Variants in SLCO1B3 observed in about 807,000 individuals in gnomAD.
The protein encoded by SLCO1B3 is liver-specific organic anion transporter 2.
A neutral mutation model predicts 71.8 loss-of-function variants in SLCO1B3; 72 were observed. The ratio of observed to expected loss-of-function variants is 1.00; its 90% confidence interval spans 0.83 to 1.22. The LOEUF is 1.22. SLCO1B3 is among the 50% of genes most tolerant of loss of function. The pLI is 0.00. For missense variants in SLCO1B3, 911 were observed against 819.7 expected (o/e 1.11, Z -1.36); for synonymous variants, 298 against 278.4 (o/e 1.07, Z -0.70).
intron 13 of SLCO1B3, among the ~76,000 whole-genome samples, chr12:20,884,827 C>A (rs375949753): frequency 2.6e-5 from 4 of 150,966 alleles, no homozygotes; most frequent in African/African-American, 9.7e-5. Flanking sequence ...TGAATATAAA[C>A]CTGTAAACTA....
intron 8 of SLCO1B3, among the ~76,000 whole-genome samples, chr12:20,864,536 A>G (rs1205264332): frequency 1.3e-5 from 2 of 152,212 alleles, no homozygotes; most frequent in South Asian, 2.1e-4. Flanking sequence ...TATGTTTTAT[A>G]TCTTCCATGT....
At chr12:20,848,618 G>A (rs1284616211) in intron 3 of SLCO1B3, among the ~76,000 whole-genome samples, 1 of 152,086 alleles carries the variant, frequency 6.6e-6, no homozygotes. Context: ...TAAAGAAACT[G>A]TGATACAGTC....
chr12:20,823,638 T>C lies in SLCO1B3; in HGVS notation c.84+7816T>C, dbSNP rs145829965. Among the ~76,000 whole-genome samples the C allele has an allele frequency of 4.6e-5, 7 of 152,318 alleles. No individual in the cohort carries two copies. The East Asian group carries it at 1.3e-3, about 29-fold the overall frequency. ...TTTGCCATATAGGAGCTCTCTCTCT[T>C]TTTGTGAATTGGCTTTGCTGGATCT... On this transcript the variant is annotated intron_variant, in intron 3 of 15. Coordinates refer to ENST00000381545, the MANE Select transcript of SLCO1B3 (RefSeq NM_019844.4).
At chr12:20,844,707 A>G (rs1864874426) in intron 3 of SLCO1B3, among the ~76,000 whole-genome samples, 1 of 151,954 alleles carries the variant, frequency 6.6e-6, no homozygotes, top group Non-Finnish European at 1.5e-5. Flanking sequence ...CTGTGGTCTG[A>G]AAAAAATAGT....
At chr12:20,869,161 G>A (rs1428662190) in intron 8 of SLCO1B3, among the ~76,000 whole-genome samples, 1 of 152,110 alleles carries the variant, frequency 6.6e-6, no homozygotes, top group Non-Finnish European at 1.5e-5. Flanking sequence ...CCCTTTCCCG[G>A]TCTGCTAAGT....
chr12:20,916,311 A>G lies in SLCO1B3; in HGVS notation c.*64A>G, dbSNP rs1866497273. On this transcript the variant is annotated 3_prime_UTR_variant, in exon 16 of 16. Transcript: ENST00000381545. ...TCCTGGTCTTTCACTGACAATTCCAACATTCTTTACTTACAGTGGACCAAT... is the reference window on the plus strand; with the variant it reads ...TCCTGGTCTTTCACTGACAATTCCAGCATTCTTTACTTACAGTGGACCAAT... 1.2e-5 allele frequency: 18 copies of G among 1,481,690 alleles called. No homozygotes were observed. The allele number at this position is 1,481,690 out of a possible 1,614,324, so 91.8% of individuals were successfully genotyped here. A position where few individuals can be genotyped will look rare whatever the true frequency, so the allele number is the denominator to read the frequency against.
intron 13 of SLCO1B3, among the ~76,000 whole-genome samples, chr12:20,889,842 CTT>C (rs1865867942): frequency 6.6e-6 from 1 of 151,812 alleles, no homozygotes; most frequent in Non-Finnish European, 1.5e-5. Flanking sequence ...AAACTTCCCT[CTT>C]GGCACTGATT....
At chr12:20,846,706 A>C (rs1282952475) in intron 3 of SLCO1B3, among the ~76,000 whole-genome samples, 2 of 152,276 alleles carry the variant, frequency 1.3e-5, no homozygotes, top group Non-Finnish European at 2.9e-5. Context: ...GTCAAGTCTA[A>C]GCTTCTACTG....
intron 3 of SLCO1B3, chr12:20,845,173 T>G (rs1480000936): frequency 2.1e-6 from 1 of 470,972 alleles, no homozygotes; most frequent in Non-Finnish European, 4.3e-6. Flanking sequence ...TGTGACCCTA[T>G]GTACAAGGTA....
At chr12:20,901,940 T>C (rs1455883114) in intron 15 of SLCO1B3, 1 of 428,492 alleles carries the variant, frequency 2.3e-6, no homozygotes, top group South Asian at 1.7e-5. Context: ...AACTAGATTA[T>C]CTGGAAGAAA....
At chr12:20,829,909 C>G (rs1591748151) in intron 3 of SLCO1B3, among the ~76,000 whole-genome samples, 1 of 152,192 alleles carries the variant, frequency 6.6e-6, no homozygotes, top group Non-Finnish European at 1.5e-5. Context: ...TGAGGATGAC[C>G]AGAAGTCACT....
intron 15 of SLCO1B3, among the ~76,000 whole-genome samples, chr12:20,910,447 C>A (rs530608643): frequency 3.5e-4 from 54 of 152,248 alleles, no homozygotes; most frequent in Non-Finnish European, 6.8e-4. Context: ...TCTTTTGCCT[C>A]TTCACATAAA....
intron 3 of SLCO1B3, among the ~76,000 whole-genome samples, chr12:20,848,404 C>G (rs781224721): frequency 1.3e-5 from 2 of 152,108 alleles, no homozygotes; most frequent in Non-Finnish European, 2.9e-5. Flanking sequence ...AATGGTAGAG[C>G]CACTTTGTAA....
At chr12:20,909,733 A>G (rs1201862096) in intron 15 of SLCO1B3, among the ~76,000 whole-genome samples, 1 of 151,936 alleles carries the variant, frequency 6.6e-6, no homozygotes, top group East Asian at 1.9e-4. Context: ...TGTTTTGGAA[A>G]TGGATCTCGC....
intron 3 of SLCO1B3, among the ~76,000 whole-genome samples, chr12:20,841,360 T>A (rs1339275574): frequency 6.6e-6 from 1 of 152,166 alleles, no homozygotes; most frequent in Non-Finnish European, 1.5e-5. Flanking sequence ...AAAATTGTAT[T>A]CACTTATCTC....
At chr12:20,849,690 G>T (rs201351320) in intron 3 of SLCO1B3, among the ~76,000 whole-genome samples, 1 of 105,710 alleles carries the variant, frequency 9.5e-6, no homozygotes, top group Non-Finnish European at 2.2e-5. Flanking sequence ...AATAAATAAA[G>T]AAAAATTACA....
chr12:20,875,481 G>T lies in SLCO1B3; in HGVS notation c.970+4G>T. 1 of 1,593,660 alleles carries T rather than the reference G, an allele frequency of 6.3e-7. No homozygotes were observed. On this transcript the variant is annotated splice_donor_region_variant and intron_variant, in intron 9 of 15. Transcript: ENST00000381545. ...AATGTTACCAAAAATGTGACTGGTAGGTATTTGACATTCATTGTCAACTTG... is the reference window on the plus strand; with the variant it reads ...AATGTTACCAAAAATGTGACTGGTATGTATTTGACATTCATTGTCAACTTG...
rs377002062 is a variant in SLCO1B3 at position 20,861,065 on chromosome 12, A to G, written c.408A>G (p.Thr136=). 16 of 1,602,756 alleles carry G rather than the reference A, an allele frequency of 1.0e-5. No homozygotes were observed. Among genetic ancestry groups the G allele is most frequent in the Non-Finnish European group, 1.3e-5 (15 of 1,172,490 alleles). ...ATATTAATCCATCAGAAAATTCAAC[A>G]TCAAGTTTATCAACCTGTTTAATTA... is the stretch of plus-strand genomic sequence containing the variant. ...ETHINPSENS[T]SSLSTCLINQ... The change falls in exon 6 of 16, where the codon ACA becomes ACG. Residue 136 remains threonine, a synonymous_variant. Coordinates refer to ENST00000381545, the MANE Select transcript of SLCO1B3 (RefSeq NM_019844.4).
intron 3 of SLCO1B3, among the ~76,000 whole-genome samples, chr12:20,846,203 G>A (rs1357193975): frequency 2.6e-5 from 4 of 151,912 alleles, no homozygotes; most frequent in African/African-American, 9.7e-5. Flanking sequence ...AGAATAGTTA[G>A]AATAGTTCTT....
Sources: gnomAD v4.1 joint callset for allele counts (sites outside exome capture counted in the v4.1 genomes callset) on GRCh38, gnomAD v4.1.1 for gene constraint, MANE v1.5 for transcripts, NCBI Gene and HGNC (gene_info 2026-07-23, HGNC 2026-07-21) for gene names.